The following PIGY variants were observed in gnomAD, a reference collection of about 807,000 sequenced individuals.
The protein encoded by PIGY is phosphatidylinositol N-acetylglucosaminyltransferase subunit Y.
PIGY carries 3 observed loss-of-function variants against 4.1 expected under a neutral mutation model. The ratio of observed to expected loss-of-function variants is 0.73; its 90% confidence interval spans 0.33 to 1.89. The LOEUF is 1.89. PIGY is among the 40% of genes most tolerant of loss of function. PIGY has a pLI of 0.08. For synonymous variants in PIGY, 33 were observed against 31.4 expected (o/e 1.05, Z -0.18); for missense variants, 78 against 80.3 (o/e 0.97, Z 0.11).
chr4:88,523,459 CG>C (rs1337066843), intron 1 of PIGY, 38 bp downstream of exon 1: 33 of 1,548,024 alleles, frequency 2.1e-5, no homozygotes, highest in Middle Eastern at 1.7e-4. Context: ...TTCCGCCCAC[CG>C]GGAGGCTGCA....
chr4:88,523,754 C>G lies in PIGY; in HGVS notation c.-497G>C. On this transcript the variant is annotated 5_prime_UTR_variant, in exon 1 of 2. Coordinates refer to ENST00000527353, the MANE Select transcript of PIGY (RefSeq NM_001042616.3). ...CGCAGCCTCGCCACCCGTGGCCGAGCTCCCGGCTTCCCGTTCGTCCAGGCC... is the reference window on the plus strand; with the variant it reads ...CGCAGCCTCGCCACCCGTGGCCGAGGTCCCGGCTTCCCGTTCGTCCAGGCC... 1 of 1,387,616 alleles carries G rather than the reference C, an allele frequency of 7.2e-7. No individual in the cohort carries two copies. The highest frequency in any genetic ancestry group is 9.3e-7 in the Non-Finnish European group (1 of 1,074,278). 86.0% of individuals were successfully genotyped at this position (1,387,616 alleles called of 1,614,324 possible).
intron 1 of PIGY, 76 bp from the exon 2 acceptor site, chr4:88,522,105 C>A (rs1298899281): frequency 4.4e-6 from 6 of 1,353,960 alleles, no homozygotes; most frequent in Non-Finnish European, 5.9e-6. Flanking sequence ...TCAACAAATA[C>A]CACCATTTAT....
At chr4:88,523,458 C>T in intron 1 of PIGY, 40 bp downstream of exon 1, 1 of 1,548,348 alleles carries the variant, frequency 6.5e-7, no homozygotes, top group Non-Finnish European at 8.7e-7. Flanking sequence ...TTTCCGCCCA[C>T]CGGGAGGCTG....
intron 1 of PIGY, among the ~76,000 whole-genome samples, chr4:88,522,519 A>C (rs1358145422): frequency 6.6e-6 from 1 of 152,234 alleles, no homozygotes; most frequent in African/African-American, 2.4e-5. Context: ...GAAAGCACTA[A>C]GTCTGCAGTG....
chr4:88,521,465 CGCAAA>C lies in PIGY; in HGVS notation c.*104_*108del. On this transcript the variant is annotated 3_prime_UTR_variant, in exon 2 of 2. Transcript: ENST00000527353. ...CTCCCACAGTCCTAAGCCTGATATG[CGCAAA>C]GCAAAGCCTCTTTCCCGCAAACTAA... 1.0e-6 allele frequency: 1 copy of C among 994,924 alleles called. No individual in the cohort carries two copies. The highest frequency in any genetic ancestry group is 1.5e-6 in the Non-Finnish European group (1 of 668,796). The allele number at this position is 994,924 out of a possible 1,614,324, so 61.6% of individuals were successfully genotyped here. A position where few individuals can be genotyped will look rare whatever the true frequency, so the allele number is the denominator to read the frequency against.
Position 88,521,091 on chromosome 4 carries a change from T to C in PIGY, c.*483A>G, listed in dbSNP as rs1742360119. On this transcript the variant is annotated 3_prime_UTR_variant, in exon 2 of 2. Transcript: ENST00000527353. ...GGTAATTTTACAAACTCAGTTTTTG[T>C]AAGTACATGAAGTTTCTATTTGATT... is the stretch of plus-strand genomic sequence containing the variant. The C allele has an allele frequency of 6.5e-6, 1 of 153,234 alleles. No individual in the cohort carries two copies. Among genetic ancestry groups the C allele is most frequent in the Non-Finnish European group, 1.5e-5 (1 of 68,728 alleles). The allele number at this position is 153,234 out of a possible 1,614,324, so 9.5% of individuals were successfully genotyped here. A position where few individuals can be genotyped will look rare whatever the true frequency, so the allele number is the denominator to read the frequency against.
At position 88,523,580 on chromosome 4, in the gene PIGY, T is replaced by C. The variant is rs1742463213; in HGVS notation, c.-323A>G. ...TCGCGGGGCGGCTCCTCAGTCTTCT[T>C]GCCCCGGTCGGCCAAAGGCCGCGAC... On this transcript the variant is annotated 5_prime_UTR_variant, in exon 1 of 2. Transcript: ENST00000527353. 1 of 1,550,196 alleles carries C rather than the reference T, an allele frequency of 6.5e-7. No homozygotes were observed. Among genetic ancestry groups the C allele is most frequent in the Non-Finnish European group, 8.7e-7 (1 of 1,146,804 alleles).
intron 1 of PIGY, 123 bp downstream of exon 1, chr4:88,523,375 A>C: frequency 9.9e-7 from 1 of 1,014,536 alleles, no homozygotes; most frequent in Non-Finnish European, 1.5e-6. Context: ...AGAGTCCAGA[A>C]TGTGGCAGCG....
At position 88,521,028 on chromosome 4, in the gene PIGY, T is replaced by A. The variant is rs1280027221; in HGVS notation, c.*546A>T. The A allele has an allele frequency of 6.5e-6, 1 of 153,494 alleles. No individual in the cohort carries two copies. The highest frequency in any genetic ancestry group is 2.4e-5 in the African/African-American group (1 of 41,470). 9.5% of individuals were successfully genotyped at this position (153,494 alleles called of 1,614,324 possible). A position where few individuals can be genotyped will look rare whatever the true frequency, so the allele number is the denominator to read the frequency against. ...TTTTTATAGGAAAGTGTCAACATGT[T>A]TATTGCTAATATAAGCATTTAATGT... On this transcript the variant is annotated 3_prime_UTR_variant, in exon 2 of 2. Transcript: ENST00000527353.
In PIGY at chr4:88,521,523, C is replaced by T. The variant is rs1019759306; in HGVS notation, c.*51G>A. On this transcript the variant is annotated 3_prime_UTR_variant, in exon 2 of 2. Coordinates refer to ENST00000527353, the MANE Select transcript of PIGY (RefSeq NM_001042616.3). ...TCCATCCATTTGAGCTTTCAGAGAT[C>T]GATGCCCAAGAGCTATCATTAATAT... The T allele has an allele frequency of 7.5e-6, 11 of 1,474,128 alleles. No individual in the cohort carries two copies. Among genetic ancestry groups the T allele is most frequent in the African/African-American group, 5.6e-5 (4 of 71,722 alleles). 91.3% of individuals were successfully genotyped at this position (1,474,128 alleles called of 1,614,324 possible).
At chr4:88,523,369 T>G (rs1742448971) in intron 1 of PIGY, 129 bp downstream of exon 1, 2 of 976,844 alleles carry the variant, frequency 2.0e-6, no homozygotes, top group Non-Finnish European at 1.5e-6. Context: ...GAGGACAGAG[T>G]CCAGAATGTG....
At chr4:88,522,303 TC>T (rs1742399883) in intron 1 of PIGY, among the ~76,000 whole-genome samples, 1 of 152,176 alleles carries the variant, frequency 6.6e-6, no homozygotes, top group Non-Finnish European at 1.5e-5. Flanking sequence ...TTCATACTAG[TC>T]AGAAAAGATC....
chr4:88,523,637 CG>C lies in PIGY; in HGVS notation c.-381del, dbSNP rs1049033686. 1.8e-5 allele frequency: 28 copies of C among 1,540,994 alleles called. No homozygotes were observed. The highest frequency in any genetic ancestry group is 1.8e-5 in the Non-Finnish European group (21 of 1,144,726). On this transcript the variant is annotated 5_prime_UTR_variant, in exon 1 of 2. An upstream open reading frame in the 5' UTR gains an earlier in-frame stop. Transcript: ENST00000527353. Reference sequence around the variant, plus strand: ...GCGTGCAGGCACCTACGGGCGACCGCGGACGGCGGCGCGCGCGTTCCCCGCA... The same window carrying C: ...GCGTGCAGGCACCTACGGGCGACCGCGACGGCGGCGCGCGCGTTCCCCGCA...
chr4:88,523,546 G>A lies in PIGY; in HGVS notation c.-289C>T. The A allele has an allele frequency of 1.3e-6, 2 of 1,551,142 alleles. No homozygotes were observed. Among genetic ancestry groups the A allele is most frequent in the Non-Finnish European group, 1.7e-6 (2 of 1,146,886 alleles). On this transcript the variant is annotated 5_prime_UTR_variant, in exon 1 of 2. Coordinates refer to ENST00000527353, the MANE Select transcript of PIGY (RefSeq NM_001042616.3). Reference sequence around the variant, plus strand: ...GCACACCAGGAACTCCAGCAGCGCCGGATCGAAGTCGCGGGGCGGCTCCTC... The same window carrying A: ...GCACACCAGGAACTCCAGCAGCGCCAGATCGAAGTCGCGGGGCGGCTCCTC...
Position 88,521,275 on chromosome 4 carries a change from T to C in PIGY, c.*299A>G, listed in dbSNP as rs1742363095. 3.1e-6 allele frequency: 1 copy of C among 323,120 alleles called. No homozygotes were observed. Among genetic ancestry groups the C allele is most frequent in the Admixed American group, 4.6e-5 (1 of 21,740 alleles). 20.0% of individuals were successfully genotyped at this position (323,120 alleles called of 1,614,324 possible). A position where few individuals can be genotyped will look rare whatever the true frequency, so the allele number is the denominator to read the frequency against. ...AGCAAAACAAAATTTCAATGACTCT[T>C]AGATGAATGGAATAAGAAATAGTCA... On this transcript the variant is annotated 3_prime_UTR_variant, in exon 2 of 2. Coordinates refer to ENST00000527353, the MANE Select transcript of PIGY (RefSeq NM_001042616.3).
At chr4:88,522,071 T>C in intron 1 of PIGY, 42 bp from the exon 2 acceptor site, 1 of 1,506,932 alleles carries the variant, frequency 6.6e-7, no homozygotes, top group Non-Finnish European at 8.9e-7. Flanking sequence ...TGTGGGAAAA[T>C]AAAATGCTTG....
chr4:88,522,678 T>C (rs1294618672), intron 1 of PIGY, among the ~76,000 whole-genome samples: 1 of 152,232 alleles, frequency 6.6e-6, no homozygotes, highest in Non-Finnish European at 1.5e-5. Flanking sequence ...TTATGCGATT[T>C]GTAATACTAG....
intron 1 of PIGY, among the ~76,000 whole-genome samples, chr4:88,522,926 G>C (rs1742421345): frequency 6.6e-6 from 1 of 152,178 alleles, no homozygotes; most frequent in Non-Finnish European, 1.5e-5. Flanking sequence ...GAAGGCTTCG[G>C]ACTTGTCCTG....
At chr4:88,523,363 A>G in intron 1 of PIGY, 135 bp downstream of exon 1, 3 of 920,674 alleles carry the variant, frequency 3.3e-6, no homozygotes, top group East Asian at 2.7e-5. Context: ...CCCGGCGAGG[A>G]CAGAGTCCAG....
Sources: allele counts gnomAD v4.1 joint callset (sites outside exome capture counted in the v4.1 genomes callset), GRCh38; gene constraint gnomAD v4.1.1; transcripts MANE v1.5; gene names NCBI Gene and HGNC (gene_info 2026-07-23, HGNC 2026-07-21).